BMPER: variants seen among roughly 807,000 people sequenced by gnomAD.
BMPER encodes the protein BMP-binding endothelial regulator protein.
Under a neutral mutation model 87.3 loss-of-function variants are expected in BMPER, and 45 were observed. The observed-to-expected ratio is 0.52, with a 90% confidence interval of 0.41 to 0.66. The LOEUF is 0.66. Among genes scored for constraint, BMPER ranks in the 30% least tolerant of loss-of-function variants. BMPER has a pLI of 0.00. For missense variants in BMPER, 784 were observed against 867.5 expected (o/e 0.90, Z 1.21); for synonymous variants, 326 against 316.2 (o/e 1.03, Z -0.33).
chr7:34,055,442 A>T, intron 9 of BMPER, 139 bp downstream of exon 9: 1 of 1,057,442 alleles, frequency 9.5e-7, no homozygotes, highest in Non-Finnish European at 1.4e-6. Flanking sequence ...TATTAATAGA[A>T]TGTATTTATA....
intron 2 of BMPER, among the ~76,000 whole-genome samples, chr7:33,912,121 C>G (rs1376808723): frequency 6.7e-6 from 1 of 149,736 alleles, no homozygotes; most frequent in African/African-American, 2.5e-5. Context: ...TAAACATAAA[C>G]AAACAAACAA....
chr7:33,913,877 T>C (rs976656340), intron 2 of BMPER, among the ~76,000 whole-genome samples: 1 of 152,164 alleles, frequency 6.6e-6, no homozygotes, highest in African/African-American at 2.4e-5. Flanking sequence ...CACCCTGCCT[T>C]ACACTGCTGC....
intron 4 of BMPER, among the ~76,000 whole-genome samples, chr7:33,968,951 T>A (rs780048171): frequency 2.0e-5 from 3 of 152,186 alleles, no homozygotes; most frequent in Non-Finnish European, 4.4e-5. Flanking sequence ...ATGCATAGCT[T>A]TTTGCATTGC....
In BMPER at chr7:33,964,709, T is replaced by C. The variant is rs149394484; in HGVS notation, c.320-1770T>C. Among the ~76,000 whole-genome samples, 617 of 152,334 alleles carry C rather than the reference T, an allele frequency of 4.1e-3. 2 individuals are homozygous for C. Among genetic ancestry groups the C allele is most frequent in the African/African-American group, 0.014 (572 of 41,578 alleles). ...TTGCTTGGGAACAGCCTGTTAACCC[T>C]GGCTCACATGGATTTTGTAGCACAC... On this transcript the variant is annotated intron_variant, in intron 3 of 14. Transcript: ENST00000649409.
At chr7:34,078,161 G>C (rs1370313930) in intron 11 of BMPER, among the ~76,000 whole-genome samples, 2 of 152,130 alleles carry the variant, frequency 1.3e-5, no homozygotes, top group African/African-American at 4.8e-5. Flanking sequence ...GACTTTACTG[G>C]AATGTCTTAA....
chr7:34,104,267 A>AG lies in BMPER; in HGVS notation c.1745+18175_1745+18176insG, dbSNP rs1789759749. On this transcript the variant is annotated intron_variant, in intron 13 of 14. Transcript: ENST00000649409. ...GCACTAATTCCATTTGGCCTTAGAT[A>AG]TACTACCGTGATTCCTCTCTATGAC... Among the ~76,000 whole-genome samples the AG allele has an allele frequency of 2.0e-5, 3 of 152,248 alleles. No individual in the cohort carries two copies. The South Asian group carries it at 6.2e-4, about 32-fold the overall frequency.
intron 2 of BMPER, among the ~76,000 whole-genome samples, chr7:33,923,891 T>A (rs931132418): frequency 2.0e-5 from 3 of 152,206 alleles, no homozygotes; most frequent in African/African-American, 2.4e-5. Context: ...AGACGTTTTC[T>A]CTATTTATAT....
At chr7:33,971,122 GT>G (rs77460155) in intron 5 of BMPER, among the ~76,000 whole-genome samples, 75 of 145,166 alleles carry the variant, frequency 5.2e-4, no homozygotes, top group Non-Finnish European at 7.2e-4. Context: ...TTGTTTTTTT[GT>G]TTTTTTTTTT....
intron 6 of BMPER, among the ~76,000 whole-genome samples, chr7:34,009,530 C>T (rs1166638054): frequency 6.6e-6 from 1 of 151,802 alleles, no homozygotes; most frequent in African/African-American, 2.4e-5. Flanking sequence ...GCAGACTTAG[C>T]TGTTGGGGAA....
intron 6 of BMPER, among the ~76,000 whole-genome samples, chr7:34,011,648 A>G (rs1002485391): frequency 6.6e-6 from 1 of 151,496 alleles, no homozygotes; most frequent in African/African-American, 2.4e-5. Flanking sequence ...GCAAATTTAC[A>G]CTGTACCTTG....
chr7:33,965,945 T>C (rs1173459992), intron 3 of BMPER, among the ~76,000 whole-genome samples: 1 of 152,248 alleles, frequency 6.6e-6, no homozygotes, highest in East Asian at 1.9e-4. Context: ...TATGAAATTA[T>C]AGCTCTTAGA....
chr7:34,085,607 A>T (rs1789176995), intron 12 of BMPER, 149 bp from the exon 13 acceptor site: 2 of 749,290 alleles, frequency 2.7e-6, no homozygotes, highest in East Asian at 2.7e-5. Flanking sequence ...CTATAGTGAG[A>T]TTAAGAGGTA....
chr7:34,129,008 G>T (rs925016857), intron 13 of BMPER, among the ~76,000 whole-genome samples: 1 of 152,090 alleles, frequency 6.6e-6, no homozygotes, highest in Non-Finnish European at 1.5e-5. Context: ...CTGTCACAGC[G>T]CTAAACCACA....
intron 2 of BMPER, among the ~76,000 whole-genome samples, chr7:33,931,124 G>C (rs560712155): frequency 6.6e-6 from 1 of 152,286 alleles, no homozygotes. Context: ...CCTTGTACTA[G>C]GGCAGAAACG....
intron 3 of BMPER, among the ~76,000 whole-genome samples, chr7:33,950,854 A>G (rs1459634240): frequency 6.6e-6 from 1 of 152,188 alleles, no homozygotes; most frequent in Non-Finnish European, 1.5e-5. Context: ...CATGGTAAGT[A>G]GAAGCATCTA....
chr7:34,054,423 A>G (rs1012465613), intron 8 of BMPER, among the ~76,000 whole-genome samples: 1 of 152,166 alleles, frequency 6.6e-6, no homozygotes, highest in Non-Finnish European at 1.5e-5. Flanking sequence ...TTTCCAATTG[A>G]AGTTGGTTTA....
chr7:34,134,188 A>G (rs1332848748), intron 13 of BMPER, among the ~76,000 whole-genome samples: 3 of 152,096 alleles, frequency 2.0e-5, no homozygotes, highest in Non-Finnish European at 2.9e-5. Context: ...CAGCCTTACA[A>G]TTGTTTTACA....
At chr7:34,093,740 C>A (rs1789455944) in intron 13 of BMPER, among the ~76,000 whole-genome samples, 1 of 152,154 alleles carries the variant, frequency 6.6e-6, no homozygotes, top group South Asian at 2.1e-4. Flanking sequence ...TTCTGAGATG[C>A]AATTAGAAGG....
intron 13 of BMPER, among the ~76,000 whole-genome samples, chr7:34,104,467 A>G (rs971069451): frequency 6.6e-6 from 1 of 152,200 alleles, no homozygotes; most frequent in African/African-American, 2.4e-5. Flanking sequence ...CATAACAATG[A>G]TTGCAGGGTG....
Sources: allele counts gnomAD v4.1 joint callset (sites outside exome capture counted in the v4.1 genomes callset), GRCh38; gene constraint gnomAD v4.1.1; transcripts MANE v1.5; gene names NCBI Gene and HGNC (gene_info 2026-07-23, HGNC 2026-07-21).